The following ITGAE variants were observed in gnomAD, a reference collection of about 807,000 sequenced individuals.
The protein encoded by ITGAE is integrin subunit alpha E.
A neutral mutation model predicts 136.5 loss-of-function variants in ITGAE; 99 were observed. The observed-to-expected ratio is 0.73, with a 90% confidence interval of 0.62 to 0.86. ITGAE has a LOEUF of 0.86. ITGAE is among the 40% of genes least tolerant of loss of function. The probability of loss-of-function intolerance (pLI) is 0.00; values close to 1 mark genes in which losing one functional copy is unlikely to be tolerated. For missense variants in ITGAE, 1,447 were observed against 1,515.3 expected (o/e 0.95, Z 0.75); for synonymous variants, 613 against 591.8 (o/e 1.04, Z -0.52).
chr17:3,775,473 T>C (rs1030323513), intron 2 of ITGAE, among the ~76,000 whole-genome samples: 13 of 152,214 alleles, frequency 8.5e-5, no homozygotes, highest in African/African-American at 2.9e-4. Flanking sequence ...TGCTTTTCTT[T>C]TTCTGAGACA....
At chr17:3,766,150 CAG>C (rs1448925252) in intron 2 of ITGAE, among the ~76,000 whole-genome samples, 14 of 152,228 alleles carry the variant, frequency 9.2e-5, no homozygotes, top group East Asian at 3.9e-4. Context: ...CGCAGGGACT[CAG>C]GGGGACGTTG....
chr17:3,744,663 G>A (rs548580198), intron 18 of ITGAE, among the ~76,000 whole-genome samples: 67 of 151,850 alleles, frequency 4.4e-4, no homozygotes, highest in East Asian at 1.6e-3. Context: ...TGGTCAGGCC[G>A]GTCTCGAACT....
intron 20 of ITGAE, among the ~76,000 whole-genome samples, chr17:3,736,056 T>C (rs2051453185): frequency 6.6e-6 from 1 of 152,026 alleles, no homozygotes; most frequent in African/African-American, 2.4e-5. Context: ...AGACAGAGAA[T>C]TGCTTGAACC....
At chr17:3,778,415 T>G (rs2052593571) in intron 1 of ITGAE, among the ~76,000 whole-genome samples, 1 of 152,016 alleles carries the variant, frequency 6.6e-6, no homozygotes, top group South Asian at 2.1e-4. Flanking sequence ...ACGCAAAAAT[T>G]AGCTGGGCGC....
intron 20 of ITGAE, among the ~76,000 whole-genome samples, chr17:3,735,446 C>T (rs1188575675): frequency 6.6e-6 from 1 of 151,904 alleles, no homozygotes; most frequent in Non-Finnish European, 1.5e-5. Flanking sequence ...GGATTACAGG[C>T]GTGAGCCACC....
In ITGAE at chr17:3,716,792, C is replaced by G. The variant is rs372145193; in HGVS notation, c.3340G>C (p.Val1114Leu). The G allele has an allele frequency of 2.1e-5, 33 of 1,563,144 alleles. No individual in the cohort carries two copies. Among genetic ancestry groups the G allele is most frequent in the Non-Finnish European group, 2.8e-5 (32 of 1,134,012 alleles). ...NAENHRTKIT[V>L]VFLKDEKYHS... ...TACTTCTCATCTTTCAGGAAGACGACAGTGATCTAGACAAGACAAAGAGAT... is the reference window on the plus strand; with the variant it reads ...TACTTCTCATCTTTCAGGAAGACGAGAGTGATCTAGACAAGACAAAGAGAT... The change falls in exon 30 of 31, where the codon GTC (valine) becomes CTC (leucine). Residue 1114 changes from valine (V) to leucine (L), a missense_variant. By Grantham distance (32) the Val-to-Leu change is conservative (BLOSUM62 1). Coordinates refer to ENST00000263087, the MANE Select transcript of ITGAE (RefSeq NM_002208.5).
intron 29 of ITGAE, chr17:3,717,839 G>C (rs368368591): frequency 6.6e-6 from 1 of 151,432 alleles, no homozygotes; most frequent in African/African-American, 2.5e-5. Flanking sequence ...TAGCAACAAA[G>C]AGGGAGGAAG....
intron 3 of ITGAE, among the ~76,000 whole-genome samples, chr17:3,762,588 GATTTT>G (rs1163185872): frequency 6.9e-5 from 10 of 145,664 alleles, no homozygotes; most frequent in African/African-American, 2.6e-4. Context: ...CTCAGACAAG[GATTTT>G]TTTTTTTTTT....
At chr17:3,789,829 G>A (rs2052896131) in intron 1 of ITGAE, among the ~76,000 whole-genome samples, 3 of 151,972 alleles carry the variant, frequency 2.0e-5, no homozygotes, top group African/African-American at 7.2e-5. Flanking sequence ...TGTTCATCTG[G>A]CCCTTATAAA....
intron 6 of ITGAE, 27 bp from the exon 7 acceptor site, chr17:3,760,314 G>A: frequency 7.0e-7 from 1 of 1,426,122 alleles, no homozygotes; most frequent in Non-Finnish European, 9.9e-7. Flanking sequence ...GGTCAGGAGT[G>A]GGCATGGGAT....
chr17:3,725,354 C>T, intron 26 of ITGAE: 1 of 1,613,154 alleles, frequency 6.2e-7, no homozygotes, highest in Non-Finnish European at 8.5e-7. Flanking sequence ...AGGGTCCTGT[C>T]CCCTTTAGCC....
chr17:3,767,164 T>C (rs2052319863), intron 2 of ITGAE, among the ~76,000 whole-genome samples: 1 of 151,786 alleles, frequency 6.6e-6, no homozygotes, highest in African/African-American at 2.4e-5. Flanking sequence ...TGGCACGATC[T>C]CGGCTCACTG....
chr17:3,720,309 T>A lies in ITGAE; in HGVS notation c.3331A>T (p.Lys1111Ter). Residue 1111 changes from lysine to a stop codon, truncating the protein, a stop_gained and splice_region_variant, in exon 29 of 31, where the codon AAG becomes TAG. Coordinates refer to ENST00000263087, the MANE Select transcript of ITGAE (RefSeq NM_002208.5). LOFTEE classifies it high-confidence loss of function. Reference protein sequence around the residue: ...EGLNAENHRTKITVVFLKDEK... With the variant: ...EGLNAENHRT ...CTCAGAAGCCAGCCAGGAATTACCT[T>A]AGTTCTGTGGTTCTCTGCATTCAGT... The A allele has an allele frequency of 6.6e-7, 1 of 1,519,178 alleles. No individual in the cohort carries two copies. The highest frequency in any genetic ancestry group is 1.7e-5 in the Admixed American group (1 of 59,708). The allele number at this position is 1,519,178 out of a possible 1,614,324, so 94.1% of individuals were successfully genotyped here.
At chr17:3,739,952 T>C in intron 19 of ITGAE, 74 bp from the exon 20 acceptor site, 4 of 1,249,490 alleles carry the variant, frequency 3.2e-6, no homozygotes, top group Non-Finnish European at 4.7e-6. Flanking sequence ...GCTCTTCTCC[T>C]TATAGGAAGT....
At chr17:3,727,021 C>T (rs1202279260) in intron 26 of ITGAE, among the ~76,000 whole-genome samples, 1 of 152,008 alleles carries the variant, frequency 6.6e-6, no homozygotes. Flanking sequence ...TGAGCCATGG[C>T]ACCTGACCTA....
Position 3,761,475 on chromosome 17 carries a change from C to T in ITGAE, c.361G>A (p.Glu121Lys), listed in dbSNP as rs2052167230. ...LVRRPHSLSS[E>K]LTGTCSLLGP... ...AGGAGGCTACAGGTGCCTGTGAGTT[C>T]TGAGCTGAGGCTGTGAGGCCGCCGG... Residue 121 changes from glutamate to lysine, a missense_variant, in exon 5 of 31, where the codon GAA becomes AAA. Glu to Lys is a moderately conservative substitution (Grantham distance 56). Transcript: ENST00000263087. 6.2e-7 allele frequency: 1 copy of T among 1,613,906 alleles called. No individual in the cohort carries two copies. Among genetic ancestry groups the T allele is most frequent in the Non-Finnish European group, 8.5e-7 (1 of 1,180,010 alleles).
intron 2 of ITGAE, 90 bp downstream of exon 2, chr17:3,777,450 G>A: frequency 4.1e-6 from 6 of 1,473,314 alleles, no homozygotes; most frequent in Non-Finnish European, 5.5e-6. Context: ...GGTGGGGTGG[G>A]GTGGGCTGCC....
chr17:3,799,114 A>C lies in ITGAE; in HGVS notation c.34+1997T>G, dbSNP rs1293423055. On this transcript the variant is annotated intron_variant, in intron 1 of 30. Transcript: ENST00000263087. The surrounding 1 kb of genome is among the most constrained non-coding windows in gnomAD (Gnocchi z 4.1). ...TGGGCCTGGAGCCACAGTCTGAGGGAGTTCTTCCTCCCAGCATCTCCTGGA... is the reference window on the plus strand; with the variant it reads ...TGGGCCTGGAGCCACAGTCTGAGGGCGTTCTTCCTCCCAGCATCTCCTGGA... 2.0e-5 allele frequency among the ~76,000 whole-genome samples: 3 copies of C among 152,024 alleles called. No homozygotes were observed. Among genetic ancestry groups the C allele is most frequent in the Non-Finnish European group, 2.9e-5 (2 of 67,994 alleles).
At chr17:3,767,747 C>A (rs1017134761) in intron 2 of ITGAE, among the ~76,000 whole-genome samples, 1 of 152,244 alleles carries the variant, frequency 6.6e-6, no homozygotes, top group East Asian at 1.9e-4. Flanking sequence ...CTCAGCCTCA[C>A]AAGTTGCTGG....
Sources: gnomAD v4.1 joint callset for allele counts (sites outside exome capture counted in the v4.1 genomes callset) on GRCh38, gnomAD v4.1.1 for gene constraint, Gnocchi (gnomAD v3.1) non-coding constraint, MANE v1.5 for transcripts, NCBI Gene and HGNC (gene_info 2026-07-23, HGNC 2026-07-21) for gene names.